DCC: variants seen among roughly 807,000 people sequenced by gnomAD.
DCC encodes the protein DCC netrin 1 receptor.
Under a neutral mutation model 172.5 loss-of-function variants are expected in DCC, and 58 were observed. The observed-to-expected ratio is 0.34, with a 90% CI of 0.27 to 0.42. The LOEUF is 0.42. Ranked by LOEUF, DCC falls within the 10% of genes least tolerant of loss-of-function variation. The pLI is 1.00. For missense variants in DCC, 1,740 were observed against 1,791.0 expected, an observed-to-expected ratio of 0.97 and a Z score of 0.51; for synonymous variants, 709 against 644.5, an observed-to-expected ratio of 1.10 and a Z score of -1.52.
chr18:52,454,085 G>A (rs1286535667), intron 1 of DCC, among the ~76,000 whole-genome samples: 1 of 152,038 alleles, frequency 6.6e-6, no homozygotes, highest in African/African-American at 2.4e-5. Context: ...TTCTATCTCT[G>A]ACTGCTTCAG....
chr18:52,894,801 A>G (rs540817459), intron 2 of DCC, among the ~76,000 whole-genome samples: 4 of 152,258 alleles, frequency 2.6e-5, no homozygotes, highest in African/African-American at 9.6e-5. Flanking sequence ...TTCTTGTTCT[A>G]TTTGGGCCTT....
At chr18:53,223,389 A>C (rs1568375215) in intron 12 of DCC, among the ~76,000 whole-genome samples, 1 of 152,120 alleles carries the variant, frequency 6.6e-6, no homozygotes, top group Non-Finnish European at 1.5e-5. Flanking sequence ...ATATTACCTT[A>C]TAATTTATAC....
intron 2 of DCC, among the ~76,000 whole-genome samples, chr18:52,764,800 T>A (rs972170771): frequency 2.6e-5 from 4 of 152,182 alleles, no homozygotes; most frequent in African/African-American, 9.7e-5. Flanking sequence ...CTGATTTGTG[T>A]CTCTTCTGCT....
chr18:52,956,015 A>G (rs899692525), intron 5 of DCC, among the ~76,000 whole-genome samples: 5 of 151,324 alleles, frequency 3.3e-5, no homozygotes, highest in African/African-American at 4.9e-5. Context: ...CCAGTCAGTG[A>G]CTTGTCTTAT....
intron 5 of DCC, among the ~76,000 whole-genome samples, chr18:53,027,353 G>A (rs2041968816): frequency 6.6e-6 from 1 of 152,166 alleles, no homozygotes; most frequent in Non-Finnish European, 1.5e-5. Context: ...GAGAGATATT[G>A]TAGAGGCAAA....
At chr18:52,671,853 T>C (rs920049006) in intron 1 of DCC, among the ~76,000 whole-genome samples, 13 of 152,082 alleles carry the variant, frequency 8.5e-5, no homozygotes, top group African/African-American at 2.4e-4. Context: ...CTGAACTTTT[T>C]CCCATCACAT....
At chr18:52,608,760 G>C (rs553194950) in intron 1 of DCC, among the ~76,000 whole-genome samples, 1 of 152,236 alleles carries the variant, frequency 6.6e-6, no homozygotes, top group East Asian at 1.9e-4. Flanking sequence ...ACTATGAACT[G>C]GCCTAGGTAA....
intron 2 of DCC, among the ~76,000 whole-genome samples, chr18:52,761,226 A>G (rs1327408363): frequency 1.3e-5 from 2 of 152,186 alleles, no homozygotes; most frequent in African/African-American, 4.8e-5. Context: ...CCCTTTTTAA[A>G]ACCATCACAT....
At chr18:52,618,267 G>C (rs2034420270) in intron 1 of DCC, among the ~76,000 whole-genome samples, 1 of 151,886 alleles carries the variant, frequency 6.6e-6, no homozygotes, top group African/African-American at 2.4e-5. Context: ...AAAAACCATG[G>C]AATATGACCT....
intron 12 of DCC, among the ~76,000 whole-genome samples, chr18:53,236,243 T>C (rs2056201082): frequency 1.3e-5 from 2 of 152,170 alleles, no homozygotes; most frequent in African/African-American, 4.8e-5. Context: ...ACATGGAATT[T>C]GTTGACATCT....
chr18:52,352,700 T>C (rs1984179548), intron 1 of DCC, among the ~76,000 whole-genome samples: 2 of 152,134 alleles, frequency 1.3e-5, no homozygotes, highest in African/African-American at 4.8e-5. Flanking sequence ...CTTGATTTTG[T>C]GTCAATGCCC....
intron 27 of DCC, among the ~76,000 whole-genome samples, chr18:53,511,473 G>A (rs1428830690): frequency 6.6e-6 from 1 of 152,236 alleles, no homozygotes; most frequent in African/African-American, 2.4e-5. Context: ...TGGCCGAATA[G>A]GAACAGCTCC....
intron 1 of DCC, among the ~76,000 whole-genome samples, chr18:52,727,631 T>C (rs1013466041): frequency 1.3e-5 from 2 of 152,190 alleles, no homozygotes; most frequent in Non-Finnish European, 2.9e-5. Flanking sequence ...TATTTTTAAA[T>C]TTTAATTTCT....
rs754792818 is a variant in DCC, at chr18:53,305,661, G to A, written c.1995G>A (p.Thr665=). ...ITGYKIRHRK[T]TRRGEMETLE... ...GCTATAAAATTCGACACAGAAAGAC[G>A]ACCCGCAGGGGTGAGATGGAAACAC... Residue 665 remains threonine, a synonymous_variant, in exon 13 of 29, where the codon ACG becomes ACA. Coordinates refer to ENST00000442544, the MANE Select transcript of DCC (RefSeq NM_005215.4). 1.8e-5 allele frequency: 29 copies of A among 1,613,874 alleles called. No individual in the cohort carries two copies. The highest frequency in any genetic ancestry group is 6.7e-5 in the Admixed American group (4 of 59,984).
At chr18:53,017,735 C>A (rs2041828843) in intron 5 of DCC, among the ~76,000 whole-genome samples, 1 of 152,138 alleles carries the variant, frequency 6.6e-6, no homozygotes, top group Non-Finnish European at 1.5e-5. Flanking sequence ...ATAATAGTCT[C>A]AGATCTCCTA....
chr18:53,207,115 C>T (rs2055664503), intron 10 of DCC, among the ~76,000 whole-genome samples: 1 of 152,070 alleles, frequency 6.6e-6, no homozygotes, highest in Admixed American at 6.5e-5. Flanking sequence ...CATCATCATC[C>T]AAGATAGATG....
rs190256270 is a variant in DCC, at chr18:53,170,241, C to T, written c.1419-8721C>T. On this transcript the variant is annotated intron_variant, in intron 8 of 28. Coordinates refer to ENST00000442544, the MANE Select transcript of DCC (RefSeq NM_005215.4). ...GGGACATCAGATACCATAAGACTAT[C>T]AAGCTGTACTGTGGAACTCAGGGAA... 2.0e-5 allele frequency among the ~76,000 whole-genome samples: 3 copies of T among 152,324 alleles called. No individual in the cohort carries two copies. The East Asian group carries it at 5.8e-4, about 29-fold the overall frequency.
chr18:52,946,212 T>C (rs1263129353), intron 5 of DCC, among the ~76,000 whole-genome samples: 1 of 152,196 alleles, frequency 6.6e-6, no homozygotes, highest in African/African-American at 2.4e-5. Flanking sequence ...TACCTCTTTG[T>C]TTACAGCCTT....
chr18:53,339,890 A>G lies in DCC; in HGVS notation c.2342A>G (p.Tyr781Cys). Residue 781 changes from tyrosine (Y) to cysteine (C), a missense_variant, in exon 15 of 29, where the codon TAT (tyrosine) becomes TGT (cysteine). Around this residue, in one of 2 missense-constraint regions of DCC, gnomAD observed 1,732 missense variants for 1,767.4 expected, o/e 0.98. Transcript: ENST00000442544. ...TVRVDSKQRY[Y>C]SIERLESSSH... ...CGTGTGGACAGCAAGCAGCGATATT[A>G]TTCCATTGAGAGGTTAGGTGAGTAT... The G allele has an allele frequency of 6.2e-7, 1 of 1,613,622 alleles. No individual in the cohort carries two copies.
Sources: allele counts gnomAD v4.1 joint callset (sites outside exome capture counted in the v4.1 genomes callset), GRCh38; gene constraint gnomAD v4.1.1; regional missense constraint gnomAD v4.1.1; transcripts MANE v1.5; gene names NCBI Gene and HGNC (gene_info 2026-07-23, HGNC 2026-07-21).